The following NLGN4X variants were observed in gnomAD, a reference collection of about 807,000 sequenced individuals.
The protein encoded by NLGN4X is neuroligin-4, X-linked.
A neutral mutation model predicts 40.3 loss-of-function variants in NLGN4X; 3 were observed. That is an observed-to-expected ratio of 0.07 (90% CI 0.03 to 0.19). NLGN4X has a LOEUF of 0.19. NLGN4X is among the 10% of genes least tolerant of loss of function. The pLI is 1.00. For missense variants in NLGN4X, 382 were observed against 708.3 expected (o/e 0.54, Z 5.23); for synonymous variants, 270 against 306.8 (o/e 0.88, Z 1.25).
intron 4 of NLGN4X, among the ~76,000 whole-genome samples, chrX:5,905,386 T>C (rs746541623): frequency 2.7e-5 from 3 of 112,316 alleles, no homozygotes; most frequent in Admixed American, 1.9e-4. Context: ...TTCTTAGCTC[T>C]TTCCCTCCAT....
intron 2 of NLGN4X, among the ~76,000 whole-genome samples, chrX:6,148,579 G>A (rs985146000): frequency 2.7e-5 from 3 of 110,604 alleles, no homozygotes; most frequent in South Asian, 3.9e-4. Flanking sequence ...GCAATGGCGC[G>A]ATTGTGGCTC....
chrX:5,926,678 T>A (rs2033330765), intron 3 of NLGN4X, among the ~76,000 whole-genome samples: 1 of 109,732 alleles, frequency 9.1e-6, no homozygotes, highest in African/African-American at 3.3e-5. Context: ...GTCAGTTTCT[T>A]CTGGTTGATA....
chrX:5,914,706 T>G (rs1460097044), intron 3 of NLGN4X, among the ~76,000 whole-genome samples: 1 of 110,657 alleles, frequency 9.0e-6, no homozygotes, highest in East Asian at 2.8e-4. Flanking sequence ...TTGTGCACCT[T>G]TAAACTAAAG....
chrX:6,185,972 C>T (rs1022680235), intron 1 of NLGN4X, among the ~76,000 whole-genome samples: 9 of 112,250 alleles, frequency 8.0e-5, no homozygotes, highest in African/African-American at 2.3e-4. Flanking sequence ...ATCCATACAC[C>T]CCAGATGCCA....
intron 1 of NLGN4X, among the ~76,000 whole-genome samples, chrX:6,201,226 A>G (rs1276349462): frequency 8.9e-6 from 1 of 112,188 alleles, no homozygotes; most frequent in African/African-American, 3.2e-5. Context: ...TCAGTCATGA[A>G]TAAGGTGTGG....
At chrX:6,227,338 C>T (rs1926468972) in intron 1 of NLGN4X, 1 of 109,377 alleles carries the variant, frequency 9.1e-6, no homozygotes, top group Admixed American at 9.6e-5. Flanking sequence ...AACACTCCCC[C>T]CGACACCCTC....
chrX:6,142,732 C>T (rs146164681), intron 2 of NLGN4X, among the ~76,000 whole-genome samples: 310 of 112,301 alleles, frequency 2.8e-3, no homozygotes, highest in Non-Finnish European at 4.4e-3. Context: ...TGCCTTTTCA[C>T]GGTTTAAGGA....
rs937676539 is a variant in NLGN4X, at chrX:5,903,001, A to G, written c.1601+76T>C. The G allele has an allele frequency of 8.0e-6, 9 of 1,123,134 alleles. 1 individual carries two copies. In the East Asian group the frequency reaches 1.8e-4, roughly 22 times the overall value. 92.6% of individuals were successfully genotyped at this position (1,123,134 alleles called of 1,213,427 possible). A position where few individuals can be genotyped will look rare whatever the true frequency, so the allele number is the denominator to read the frequency against. On this transcript the variant is annotated intron_variant, in intron 5 of 5. Transcript: ENST00000381095. ...ATGCGTGTGTGCTCCTGCACGTGGC[A>G]GTAGAAGCAACACCTATATTGAGGA...
intron 2 of NLGN4X, among the ~76,000 whole-genome samples, chrX:6,147,683 TACAC>T (rs61550469): frequency 9.3e-6 from 1 of 107,049 alleles, no homozygotes; most frequent in Non-Finnish European, 1.9e-5. Flanking sequence ...CTCTGTCACA[TACAC>T]ACACACACAC....
chrX:6,162,386 G>A (rs1216619452), intron 1 of NLGN4X, among the ~76,000 whole-genome samples: 1 of 111,764 alleles, frequency 8.9e-6, no homozygotes, highest in Non-Finnish European at 1.9e-5. Context: ...GAGTCAGAGG[G>A]CTGGGGAAGG....
intron 2 of NLGN4X, among the ~76,000 whole-genome samples, chrX:6,071,173 T>A (rs2038055070): frequency 1.8e-5 from 2 of 111,678 alleles, no homozygotes; most frequent in Non-Finnish European, 3.8e-5. Context: ...CTTTGTCAGA[T>A]AATATTGAGA....
chrX:6,069,243 G>A (rs969373179), intron 2 of NLGN4X, among the ~76,000 whole-genome samples: 1 of 107,305 alleles, frequency 9.3e-6, no homozygotes, highest in African/African-American at 3.4e-5. Flanking sequence ...AGCCGAGATC[G>A]CGCCACTGCA....
At chrX:6,197,675 C>T (rs976860357) in intron 1 of NLGN4X, among the ~76,000 whole-genome samples, 2 of 111,094 alleles carry the variant, frequency 1.8e-5, no homozygotes, top group African/African-American at 6.5e-5. Context: ...AGTTTTTGAT[C>T]ACTATCTAAA....
At chrX:6,167,850 C>T (rs2040529277) in intron 1 of NLGN4X, among the ~76,000 whole-genome samples, 2 of 112,013 alleles carry the variant, frequency 1.8e-5, no homozygotes, top group South Asian at 3.7e-4. Flanking sequence ...TATCATTTGC[C>T]TCTCTTTTGA....
chrX:6,203,867 G>T (rs1178719955), intron 1 of NLGN4X, among the ~76,000 whole-genome samples: 1 of 112,696 alleles, frequency 8.9e-6, no homozygotes, highest in Non-Finnish European at 1.9e-5. Flanking sequence ...TTTTTATGCA[G>T]CAATAGATAA....
chrX:6,126,269 C>T (rs2039544057), intron 2 of NLGN4X, among the ~76,000 whole-genome samples: 1 of 111,813 alleles, frequency 8.9e-6, no homozygotes, highest in African/African-American at 3.2e-5. Context: ...AGATGTTAGA[C>T]TCATTTCCTG....
intron 3 of NLGN4X, among the ~76,000 whole-genome samples, chrX:6,005,533 A>T (rs1254067448): frequency 2.7e-5 from 3 of 111,235 alleles, no homozygotes; most frequent in African/African-American, 9.8e-5. Flanking sequence ...TCATAAACCC[A>T]TACAGCAAAA....
At chrX:5,918,928 C>G (rs1004359023) in intron 3 of NLGN4X, among the ~76,000 whole-genome samples, 12 of 112,089 alleles carry the variant, frequency 1.1e-4, no homozygotes, top group African/African-American at 3.9e-4. Context: ...TCCATTATAT[C>G]TCTTACTATA....
chrX:6,208,852 C>A (rs949001193), intron 1 of NLGN4X, among the ~76,000 whole-genome samples: 4 of 111,758 alleles, frequency 3.6e-5, no homozygotes, highest in African/African-American at 1.3e-4. Flanking sequence ...AATAGAACTA[C>A]CATCTTATCT....
Sources: gnomAD v4.1 joint callset for allele counts (sites outside exome capture counted in the v4.1 genomes callset) on GRCh38, gnomAD v4.1.1 for gene constraint, MANE v1.5 for transcripts, NCBI Gene and HGNC (gene_info 2026-07-23, HGNC 2026-07-21) for gene names.